The following STK24 variants were observed in gnomAD, a reference collection of about 807,000 sequenced individuals.
The protein encoded by STK24 is serine/threonine-protein kinase 24.
In STK24, 21 loss-of-function variants were observed where a neutral mutation model predicts 55.6. The observed-to-expected ratio is 0.38, with a 90% confidence interval of 0.27 to 0.54. The LOEUF is 0.54. STK24 is among the 20% of genes least tolerant of loss of function. The pLI, the probability that STK24 is intolerant of heterozygous loss-of-function variation, is 0.79. For synonymous variants in STK24, 200 were observed against 215.2 expected, an observed-to-expected ratio of 0.93 and a Z score of 0.62; for missense variants, 383 against 538.4, an observed-to-expected ratio of 0.71 and a Z score of 2.86.
At chr13:98,548,232 G>C (rs1242702893) in intron 1 of STK24, among the ~76,000 whole-genome samples, 1 of 152,064 alleles carries the variant, frequency 6.6e-6, no homozygotes, top group African/African-American at 2.4e-5. Flanking sequence ...ATTCTCCTGG[G>C]GCTAAAATAA....
intron 1 of STK24, among the ~76,000 whole-genome samples, chr13:98,572,007 G>A (rs1415995224): frequency 2.6e-5 from 4 of 152,144 alleles, no homozygotes; most frequent in African/African-American, 9.7e-5. Context: ...ACAGATGCAA[G>A]GCCTCCCCCA....
At position 98,461,760 on chromosome 13, in the gene STK24, G is replaced by C. The variant is rs560244634; in HGVS notation, c.1053+14C>G. 2 of 1,613,648 alleles carry C rather than the reference G, an allele frequency of 1.2e-6. No homozygotes were observed. Among genetic ancestry groups the C allele is most frequent in the East Asian group, 2.2e-5 (1 of 44,872 alleles). ...CTGAGGTCAGCGTGGCCATTCTGGA[G>C]TGAGCAGACGTACCTTATTTCTGTC... On this transcript the variant is annotated intron_variant, in intron 8 of 10. Transcript: ENST00000539966.
chr13:98,550,371 C>G (rs1239057619), intron 1 of STK24, among the ~76,000 whole-genome samples: 1 of 152,024 alleles, frequency 6.6e-6, no homozygotes, highest in Non-Finnish European at 1.5e-5. Flanking sequence ...GGAACCTGTC[C>G]CTACAAAAAA....
Position 98,446,696 on chromosome 13 carries a change from C to T in STK24, c.*6477G>A, listed in dbSNP as rs764446500. 9 of 1,614,110 alleles carry T rather than the reference C, an allele frequency of 5.6e-6. No homozygotes were observed. Among genetic ancestry groups the T allele is most frequent in the Non-Finnish European group, 6.8e-6 (8 of 1,179,988 alleles). On this transcript the variant is annotated 3_prime_UTR_variant, in exon 11 of 11. Transcript: ENST00000539966. Reference sequence around the variant, plus strand: ...TCATCCCCTTGCCAGCCTGCCTCTGCTCGGCTACTCGCTCACCATCCCCTC... The same window carrying T: ...TCATCCCCTTGCCAGCCTGCCTCTGTTCGGCTACTCGCTCACCATCCCCTC...
At chr13:98,467,027 T>C (rs555357114) in intron 5 of STK24, among the ~76,000 whole-genome samples, 1 of 152,310 alleles carries the variant, frequency 6.6e-6, no homozygotes, top group South Asian at 2.1e-4. Flanking sequence ...CCTGTGACGT[T>C]AGATGAAAGA....
rs1460523185 is a variant in STK24, at chr13:98,466,405, C to A, written c.754G>T (p.Glu252Ter). ...CTCGGCTCCTTATTCAAACAGGCCT[C>A]CACAAACTCCTTGAGGGGTTTACTG... ...NYSKPLKEFVEACLNKEPSFR... is the reference protein window; with the variant it reads ...NYSKPLKEFV The change falls in exon 6 of 11, where the codon GAG becomes TAG. Residue 252 changes from glutamate to a stop codon, truncating the protein, a stop_gained. Coordinates refer to ENST00000539966, the MANE Select transcript of STK24 (RefSeq NM_001032296.4). LOFTEE classifies it high-confidence loss of function. 6.2e-7 allele frequency: 1 copy of A among 1,612,750 alleles called. No individual in the cohort carries two copies.
chr13:98,522,000 C>T, intron 1 of STK24: 1 of 1,435,416 alleles, frequency 7.0e-7, no homozygotes, highest in Non-Finnish European at 9.2e-7. Flanking sequence ...TAACCCAAAG[C>T]CCTCCTCCTC....
rs535334313 is a variant in STK24 at position 98,563,781 on chromosome 13, A to G, written c.42+12964T>C. Among the ~76,000 whole-genome samples, 276 of 151,876 alleles carry G rather than the reference A, an allele frequency of 1.8e-3. 5 individuals are homozygous for G. The highest frequency in any genetic ancestry group is 0.014 in the East Asian group (73 of 5,160). ...AGGCTGAGGCAGGAGAATGGCATGAACCTGGGAGGCGGAGCTTGTAGTGAG... is the reference window on the plus strand; with the variant it reads ...AGGCTGAGGCAGGAGAATGGCATGAGCCTGGGAGGCGGAGCTTGTAGTGAG... On this transcript the variant is annotated intron_variant, in intron 1 of 10. Transcript: ENST00000539966.
intron 2 of STK24, among the ~76,000 whole-genome samples, chr13:98,512,091 T>A (rs1895901948): frequency 1.3e-5 from 2 of 152,142 alleles, no homozygotes; most frequent in South Asian, 4.1e-4. Context: ...TTTCCCCATG[T>A]TGGCCAGGCT....
intron 1 of STK24, among the ~76,000 whole-genome samples, chr13:98,528,777 T>C (rs1896501876): frequency 6.6e-6 from 1 of 152,216 alleles, no homozygotes; most frequent in Admixed American, 6.5e-5. Flanking sequence ...TCAACTACTC[T>C]GGTTGAAACC....
chr13:98,559,127 T>C (rs573966387), intron 1 of STK24, among the ~76,000 whole-genome samples: 4 of 149,186 alleles, frequency 2.7e-5, no homozygotes, highest in Admixed American at 1.3e-4. Flanking sequence ...GAGGTGGAGG[T>C]TGCACCATTG....
chr13:98,456,733 G>A, intron 10 of STK24: 1 of 360,592 alleles, frequency 2.8e-6, no homozygotes, highest in South Asian at 2.1e-5. Flanking sequence ...AGCTAACACA[G>A]GGAACACACC....
chr13:98,508,796 A>G lies in STK24; in HGVS notation c.273+10447T>C, dbSNP rs571399563. ...AAACTAACCTTCAGGGCCACGCCTC[A>G]TATTTTATTCCCATGAAGCTCCCAC... On this transcript the variant is annotated intron_variant, in intron 2 of 10. Coordinates refer to ENST00000539966, the MANE Select transcript of STK24 (RefSeq NM_001032296.4). 3 of 152,322 alleles carry G rather than the reference A, an allele frequency of 2.0e-5. No homozygotes were observed. The East Asian group carries it at 5.8e-4, about 29-fold the overall frequency. The allele number at this position is 152,322 out of a possible 1,614,324, so 9.4% of individuals were successfully genotyped here.
chr13:98,449,083 G>GATA lies in STK24; in HGVS notation c.*4087_*4089dup, dbSNP rs1175006464. The GATA allele has an allele frequency of 1.3e-5, 2 of 152,216 alleles. No homozygotes were observed. The highest frequency in any genetic ancestry group is 2.4e-5 in the African/African-American group (1 of 41,440). 9.4% of individuals were successfully genotyped at this position (152,216 alleles called of 1,614,324 possible). On this transcript the variant is annotated 3_prime_UTR_variant, in exon 11 of 11. Coordinates refer to ENST00000539966, the MANE Select transcript of STK24 (RefSeq NM_001032296.4). ...CTGTGAGTGGTGTACACAATGGGAA[G>GATA]ATAATAAGCCGTGGTGTTTTGCTGT...
chr13:98,568,741 G>A (rs546348171), intron 1 of STK24, among the ~76,000 whole-genome samples: 103 of 152,156 alleles, frequency 6.8e-4, no homozygotes, highest in Middle Eastern at 3.4e-3. Flanking sequence ...GGTGGTGGGC[G>A]CCTGTAATCC....
chr13:98,538,222 C>CTTTTTTTTTT (rs55720452), intron 1 of STK24, among the ~76,000 whole-genome samples: 3 of 91,634 alleles, frequency 3.3e-5, no homozygotes, highest in Non-Finnish European at 4.1e-5. Context: ...TTGGTGCTTG[C>CTTTTTTTTTT]TTTTTTTTTT....
chr13:98,561,695 G>T (rs1250054311), intron 1 of STK24, among the ~76,000 whole-genome samples: 1 of 152,058 alleles, frequency 6.6e-6, no homozygotes, highest in African/African-American at 2.4e-5. Context: ...GGGCAGGGCT[G>T]GTCGGGTGCA....
chr13:98,468,492 A>C (rs571324528), intron 5 of STK24, among the ~76,000 whole-genome samples: 1 of 152,208 alleles, frequency 6.6e-6, no homozygotes, highest in Admixed American at 6.5e-5. Flanking sequence ...ACAGGAGGAC[A>C]GGAGTGAGCA....
intron 5 of STK24, among the ~76,000 whole-genome samples, chr13:98,471,356 G>A (rs773566251): frequency 6.6e-5 from 10 of 152,022 alleles, no homozygotes; most frequent in Middle Eastern, 3.2e-3. Flanking sequence ...CAATCCATTC[G>A]CTAACATACC....
Sources: gnomAD v4.1 joint callset for allele counts (sites outside exome capture counted in the v4.1 genomes callset) on GRCh38, gnomAD v4.1.1 for gene constraint, MANE v1.5 for transcripts, NCBI Gene and HGNC (gene_info 2026-07-23, HGNC 2026-07-21) for gene names.